HPSE2: variants seen among roughly 807,000 people sequenced by gnomAD.
The protein encoded by HPSE2 is inactive heparanase-2.
In HPSE2, 38 loss-of-function variants were observed where a neutral mutation model predicts 60.5. The observed-to-expected ratio is 0.63, with a 90% CI of 0.48 to 0.82. The LOEUF (loss-of-function observed/expected upper bound fraction) is 0.82. Ranked by LOEUF, HPSE2 falls within the 40% of genes least tolerant of loss-of-function variation. HPSE2 has a pLI of 0.00. For missense variants in HPSE2, 713 were observed against 740.4 expected (o/e 0.96, Z 0.43); for synonymous variants, 295 against 293.2 (o/e 1.01, Z -0.06).
chr10:98,716,504 T>C (rs940291433), intron 5 of HPSE2, among the ~76,000 whole-genome samples: 1 of 152,022 alleles, frequency 6.6e-6, no homozygotes, highest in Admixed American at 6.6e-5. Flanking sequence ...TTCCCATGAA[T>C]CACAAATGTT....
intron 3 of HPSE2, among the ~76,000 whole-genome samples, chr10:99,100,868 C>A (rs568359435): frequency 7.0e-4 from 106 of 152,246 alleles, no homozygotes; most frequent in African/African-American, 2.4e-3. Flanking sequence ...ATTTTCAACC[C>A]AGAATTTCAT....
chr10:99,306,386 G>A, the HPSE2 span, among the ~76,000 whole-genome samples: 2 of 152,048 alleles, frequency 1.3e-5, no homozygotes, highest in Non-Finnish European at 2.9e-5. Flanking sequence ...CCTGGCCAAT[G>A]TGCACTTACT....
At chr10:98,974,652 A>T (rs2902256) in intron 3 of HPSE2, among the ~76,000 whole-genome samples, 72,337 of 152,068 alleles carry the variant, frequency 0.48, 19,242 homozygotes, top group East Asian at 0.62. Flanking sequence ...CGTTCCTACA[A>T]AAAGATCGTG....
At chr10:99,286,609 T>C in the HPSE2 span, among the ~76,000 whole-genome samples, 2 of 152,212 alleles carry the variant, frequency 1.3e-5, no homozygotes, top group Non-Finnish European at 2.9e-5. Context: ...TTGGAAATAA[T>C]GGTGATGACT....
At chr10:99,291,971 C>A in the HPSE2 span, among the ~76,000 whole-genome samples, 1 of 152,080 alleles carries the variant, frequency 6.6e-6, no homozygotes, top group South Asian at 2.1e-4. Context: ...CAGATTCTTC[C>A]ATTCAGTTTT....
intron 3 of HPSE2, among the ~76,000 whole-genome samples, chr10:98,875,753 G>GT (rs1952860740): frequency 6.6e-6 from 1 of 152,004 alleles, no homozygotes; most frequent in Admixed American, 6.6e-5. Context: ...AGTTATTCTA[G>GT]TTTCAATCCT....
chr10:98,676,766 C>T (rs780727690), intron 6 of HPSE2, among the ~76,000 whole-genome samples: 1 of 150,618 alleles, frequency 6.6e-6, no homozygotes, highest in Non-Finnish European at 1.5e-5. Flanking sequence ...GGGAGTTAGA[C>T]AGAGAGTATA....
chr10:99,090,366 T>C (rs1050937188), intron 3 of HPSE2, among the ~76,000 whole-genome samples: 14 of 152,140 alleles, frequency 9.2e-5, no homozygotes, highest in African/African-American at 3.1e-4. Flanking sequence ...GCCTAGTACA[T>C]AGTCCATCCC....
intron 3 of HPSE2, among the ~76,000 whole-genome samples, chr10:98,769,120 A>G (rs897652198): frequency 2.2e-4 from 34 of 152,316 alleles, no homozygotes; most frequent in African/African-American, 7.9e-4. Flanking sequence ...AAGAAAATGG[A>G]TATCAATAAA....
At chr10:99,064,744 T>A (rs1015086948) in intron 3 of HPSE2, among the ~76,000 whole-genome samples, 1 of 147,914 alleles carries the variant, frequency 6.8e-6, no homozygotes, top group African/African-American at 2.5e-5. Flanking sequence ...AAAAAAAAAA[T>A]TAAGGTGATA....
chr10:99,143,028 A>G (rs1845920395), intron 3 of HPSE2, among the ~76,000 whole-genome samples: 1 of 152,170 alleles, frequency 6.6e-6, no homozygotes, highest in African/African-American at 2.4e-5. Context: ...CTGAAGAAAC[A>G]TCTATGCTCT....
chr10:99,291,385 A>G, the HPSE2 span, among the ~76,000 whole-genome samples: 2 of 152,184 alleles, frequency 1.3e-5, no homozygotes, highest in Non-Finnish European at 2.9e-5. Context: ...AGAGATCAAG[A>G]CCATCCTGGC....
intron 9 of HPSE2, among the ~76,000 whole-genome samples, chr10:98,598,608 T>C (rs949653729): frequency 6.6e-6 from 1 of 151,952 alleles, no homozygotes; most frequent in African/African-American, 2.4e-5. Context: ...TCATGGAAGA[T>C]GGGTCTGTGT....
chr10:99,056,506 A>C (rs1213350334), intron 3 of HPSE2, among the ~76,000 whole-genome samples: 1 of 152,170 alleles, frequency 6.6e-6, no homozygotes, highest in Non-Finnish European at 1.5e-5. Context: ...GAAGAAAAAA[A>C]GGTTATAAAC....
At chr10:98,809,750 T>C (rs745829363) in intron 3 of HPSE2, among the ~76,000 whole-genome samples, 11 of 152,152 alleles carry the variant, frequency 7.2e-5, no homozygotes, top group East Asian at 3.8e-4. Flanking sequence ...CTTGGGAGCA[T>C]AGAATAATAA....
intron 9 of HPSE2, among the ~76,000 whole-genome samples, chr10:98,608,418 C>T (rs1218872898): frequency 6.6e-6 from 1 of 152,174 alleles, no homozygotes; most frequent in African/African-American, 2.4e-5. Context: ...ACCGCTCAGG[C>T]TGATAAATAA....
chr10:98,959,094 G>A (rs1449092401), intron 3 of HPSE2, among the ~76,000 whole-genome samples: 1 of 151,984 alleles, frequency 6.6e-6, no homozygotes, highest in Non-Finnish European at 1.5e-5. Context: ...AAATATGAAA[G>A]GCAATATATT....
chr10:99,002,952 A>C (rs1956809390), intron 3 of HPSE2, among the ~76,000 whole-genome samples: 1 of 152,012 alleles, frequency 6.6e-6, no homozygotes, highest in African/African-American at 2.4e-5. Context: ...CATGTTGTAC[A>C]ATAGATCCTT....
chr10:99,235,385 CTCTTT>C, intron 1 of HPSE2, 123 bp downstream of exon 1: 1 of 882,312 alleles, frequency 1.1e-6, no homozygotes, highest in South Asian at 1.4e-5. Flanking sequence ...GAAGGAAAAC[CTCTTT>C]TCTTCTCTTT....
Sources: allele counts gnomAD v4.1 joint callset (sites outside exome capture counted in the v4.1 genomes callset), GRCh38; gene constraint gnomAD v4.1.1; transcripts MANE v1.5; gene names NCBI Gene and HGNC (gene_info 2026-07-23, HGNC 2026-07-21).